Variants in SBF2 observed in about 807,000 individuals in gnomAD.
The protein encoded by SBF2 is myotubularin-related protein 13.
In SBF2, 112 loss-of-function variants were observed where a neutral mutation model predicts 225.2. That is an observed-to-expected ratio of 0.50 (90% CI 0.43 to 0.58). The LOEUF (loss-of-function observed/expected upper bound fraction) is 0.58, where lower values mean the gene tolerates loss of function less well. Ranked by LOEUF, SBF2 falls within the 20% of genes least tolerant of loss-of-function variation. The pLI is 0.00. For missense variants in SBF2, 1,996 were observed against 2,206.2 expected (o/e 0.90, Z 1.91); for synonymous variants, 763 against 773.3 (o/e 0.99, Z 0.22).
intron 3 of SBF2, among the ~76,000 whole-genome samples, chr11:10,039,695 T>G (rs1333535615): frequency 6.6e-6 from 1 of 151,930 alleles, no homozygotes; most frequent in Non-Finnish European, 1.5e-5. Context: ...TCTAATATTA[T>G]TCCCTATTCA....
intron 2 of SBF2, chr11:10,044,467 A>T (rs1332668033): frequency 1.9e-5 from 3 of 159,386 alleles, no homozygotes; most frequent in South Asian, 3.4e-4. Context: ...ATAATAAGCA[A>T]ATTGCAACGC....
intron 2 of SBF2, among the ~76,000 whole-genome samples, chr11:10,063,221 C>G (rs1052185808): frequency 1.3e-5 from 2 of 151,728 alleles, no homozygotes; most frequent in Admixed American, 1.3e-4. Flanking sequence ...CTATTGGGTA[C>G]TTGGCTTAAT....
intron 1 of SBF2, among the ~76,000 whole-genome samples, chr11:10,204,639 C>G (rs941273403): frequency 2.1e-5 from 3 of 140,190 alleles, no homozygotes; most frequent in African/African-American, 7.9e-5. Flanking sequence ...GCCTGGGTGA[C>G]AGAGCAACAC....
intron 15 of SBF2, among the ~76,000 whole-genome samples, chr11:9,962,720 C>T (rs550645045): frequency 6.6e-6 from 1 of 152,304 alleles, no homozygotes; most frequent in South Asian, 2.1e-4. Context: ...TCCTTCAGTT[C>T]ACCATGTAGG....
intron 2 of SBF2, among the ~76,000 whole-genome samples, chr11:10,102,973 T>C (rs577633737): frequency 6.6e-6 from 1 of 152,320 alleles, no homozygotes; most frequent in East Asian, 1.9e-4. Context: ...AAGATTTTTA[T>C]GTAATATTGA....
intron 1 of SBF2, among the ~76,000 whole-genome samples, chr11:10,241,499 G>A (rs530653487): frequency 9.9e-5 from 15 of 152,040 alleles, no homozygotes; most frequent in Non-Finnish European, 1.9e-4. Context: ...ATACAATAGA[G>A]AAGAATGACA....
At chr11:9,866,171 A>G (rs1426144243) in intron 17 of SBF2, among the ~76,000 whole-genome samples, 2 of 152,158 alleles carry the variant, frequency 1.3e-5, no homozygotes, top group African/African-American at 4.8e-5. Flanking sequence ...CAAATCCACT[A>G]TTTCAAAAAA....
intron 17 of SBF2, among the ~76,000 whole-genome samples, chr11:9,883,412 C>A (rs1374274842): frequency 6.6e-6 from 1 of 152,136 alleles, no homozygotes; most frequent in Non-Finnish European, 1.5e-5. Flanking sequence ...TCCTCCAGCT[C>A]TGTCCCCCAA....
At chr11:10,100,227 T>C (rs765426681) in intron 2 of SBF2, among the ~76,000 whole-genome samples, 2 of 152,234 alleles carry the variant, frequency 1.3e-5, no homozygotes, top group Non-Finnish European at 2.9e-5. Context: ...CAAAACTGGC[T>C]CTGTGTTAAT....
chr11:10,085,961 T>C (rs1951551374), intron 2 of SBF2, among the ~76,000 whole-genome samples: 1 of 137,164 alleles, frequency 7.3e-6, no homozygotes, highest in African/African-American at 2.7e-5. Context: ...CAGCTGTCCT[T>C]CCCCCCACCC....
chr11:9,808,425 A>C, intron 31 of SBF2: 1 of 559,724 alleles, frequency 1.8e-6, no homozygotes, highest in Non-Finnish European at 3.2e-6. Context: ...TTTAATCCTT[A>C]ACTGGCCAGT....
intron 2 of SBF2, among the ~76,000 whole-genome samples, chr11:10,193,418 G>C (rs184360109): frequency 1.2e-3 from 165 of 142,526 alleles, no homozygotes; most frequent in African/African-American, 4.2e-3. Context: ...GCAGTGGCAC[G>C]ATCTTGGCTC....
rs541514704 is a variant in SBF2, at chr11:10,229,429, C to T, written c.56-35442G>A. On this transcript the variant is annotated intron_variant, in intron 1 of 39. Transcript: ENST00000256190. ...TTAGGGTGTCAATTTTAGATCTTTC[C>T]TCCTTTCTCTTATGGGCATTTAGTG... 1.0e-3 allele frequency among the ~76,000 whole-genome samples: 155 copies of T among 152,178 alleles called. 1 individual carries two copies. Among genetic ancestry groups the T allele is most frequent in the African/African-American group, 3.6e-3 (150 of 41,520 alleles).
intron 32 of SBF2, among the ~76,000 whole-genome samples, chr11:9,801,479 A>T (rs942171083): frequency 6.6e-6 from 1 of 152,234 alleles, no homozygotes; most frequent in Non-Finnish European, 1.5e-5. Flanking sequence ...AAAGTTTAAT[A>T]CATTAAAACT....
At chr11:9,965,419 G>A (rs1027431321) in intron 14 of SBF2, among the ~76,000 whole-genome samples, 3 of 150,524 alleles carry the variant, frequency 2.0e-5, no homozygotes, top group Non-Finnish European at 4.4e-5. Context: ...CTCCCAAGTA[G>A]CTGGGATTAC....
intron 17 of SBF2, among the ~76,000 whole-genome samples, chr11:9,886,526 G>A (rs939761991): frequency 3.1e-4 from 39 of 125,536 alleles, no homozygotes; most frequent in African/African-American, 1.1e-3. Context: ...TCCAAGCTAC[G>A]GGTAGCCTGT....
intron 1 of SBF2, among the ~76,000 whole-genome samples, chr11:10,256,276 T>C (rs558776265): frequency 3.9e-5 from 6 of 152,240 alleles, no homozygotes; most frequent in Non-Finnish European, 8.8e-5. Context: ...AGTTTTATTT[T>C]ACTCTCCACA....
At chr11:10,056,731 C>T (rs1950268908) in intron 2 of SBF2, among the ~76,000 whole-genome samples, 1 of 152,196 alleles carries the variant, frequency 6.6e-6, no homozygotes, top group African/African-American at 2.4e-5. Flanking sequence ...CCTCCAGCCA[C>T]CCTCGCCTGA....
intron 16 of SBF2, among the ~76,000 whole-genome samples, chr11:9,925,845 G>C (rs4910082): frequency 0.5 from 76,460 of 151,994 alleles, 19,585 homozygotes; most frequent in African/African-American, 0.56. Flanking sequence ...GCTATTTTTA[G>C]AATACTGTTT....
Sources: gnomAD v4.1 joint callset for allele counts (sites outside exome capture counted in the v4.1 genomes callset) on GRCh38, gnomAD v4.1.1 for gene constraint, MANE v1.5 for transcripts, NCBI Gene and HGNC (gene_info 2026-07-23, HGNC 2026-07-21) for gene names.